RFX4: variants seen among roughly 807,000 people sequenced by gnomAD.
RFX4 encodes transcription factor RFX4.
A neutral mutation model predicts 95.0 loss-of-function variants in RFX4; 10 were observed. The ratio of observed to expected loss-of-function variants is 0.11; its 90% confidence interval spans 0.06 to 0.18. The LOEUF (loss-of-function observed/expected upper bound fraction) is 0.18. RFX4 is among the 10% of genes least tolerant of loss of function. RFX4 has a pLI of 1.00. For missense variants in RFX4, 640 were observed against 922.0 expected, an observed-to-expected ratio of 0.69 and a Z score of 3.96; for synonymous variants, 321 against 340.7, an observed-to-expected ratio of 0.94 and a Z score of 0.64.
chr12:106,745,513 G>A lies in RFX4; in HGVS notation c.1634-1924G>A, dbSNP rs537417988. 1.6e-4 allele frequency among the ~76,000 whole-genome samples: 25 copies of A among 152,220 alleles called. No homozygotes were observed. In the South Asian group the frequency reaches 4.6e-3, roughly 28 times the overall value. Reference sequence around the variant, plus strand: ...CATTTCTTCAAGGGTATTCCTTACCGAGTCTCTGTCACATAACTGGCACAG... The same window carrying A: ...CATTTCTTCAAGGGTATTCCTTACCAAGTCTCTGTCACATAACTGGCACAG... On this transcript the variant is annotated intron_variant, in intron 15 of 17. Coordinates refer to ENST00000392842, the MANE Select transcript of RFX4 (RefSeq NM_213594.3).
At chr12:106,660,720 C>G (rs1299450456) in intron 4 of RFX4, among the ~76,000 whole-genome samples, 1 of 152,152 alleles carries the variant, frequency 6.6e-6, no homozygotes, top group African/African-American at 2.4e-5. Flanking sequence ...CTGGGCCACA[C>G]AGCAGGAGGT....
intron 2 of RFX4, among the ~76,000 whole-genome samples, chr12:106,614,762 G>A (rs1196166128): frequency 6.6e-6 from 1 of 152,044 alleles, no homozygotes; most frequent in Non-Finnish European, 1.5e-5. Flanking sequence ...ACCCGCCTTG[G>A]CCTCCCAAAG....
Position 106,692,057 on chromosome 12 carries a change from C to T in RFX4, c.669+2693C>T, listed in dbSNP as rs373614860. Among the ~76,000 whole-genome samples, 386 of 151,054 alleles carry T rather than the reference C, an allele frequency of 2.6e-3. 1 individual carries two copies. Among genetic ancestry groups the T allele is most frequent in the African/African-American group, 8.5e-3 (351 of 41,114 alleles). On this transcript the variant is annotated intron_variant, in intron 7 of 17. Transcript: ENST00000392842. ...CTGTAGTCCCAGCTACTCAGGAGGC[C>T]GAGGCAGGAGAATCGCTTGAACCCA...
intron 15 of RFX4, among the ~76,000 whole-genome samples, chr12:106,744,913 G>A (rs2042865327): frequency 6.6e-6 from 1 of 152,198 alleles, no homozygotes; most frequent in East Asian, 1.9e-4. Context: ...CATTGTAAGG[G>A]TGTTGAGGAC....
intron 4 of RFX4, among the ~76,000 whole-genome samples, chr12:106,657,401 G>A (rs554566068): frequency 7.2e-5 from 11 of 152,130 alleles, no homozygotes; most frequent in African/African-American, 1.7e-4. Flanking sequence ...TTGGGATACC[G>A]TTCTTCATAA....
rs558383577 is a variant in RFX4 at position 106,700,917 on chromosome 12, T to C, written c.833+4471T>C. On this transcript the variant is annotated intron_variant, in intron 8 of 17. Transcript: ENST00000392842. The stretch of plus-strand genomic sequence containing the variant: ...AACTATCTTTGAGAATGATTAAAGA[T>C]ATGAAAAAATATTTTATATCTGCTT... Among the ~76,000 whole-genome samples, 250 of 152,334 alleles carry C rather than the reference T, an allele frequency of 1.6e-3. 1 individual carries two copies. The highest frequency in any genetic ancestry group is 5.7e-3 in the African/African-American group (239 of 41,578).
chr12:106,666,327 AT>A (rs1347629327), intron 4 of RFX4, among the ~76,000 whole-genome samples: 4 of 151,504 alleles, frequency 2.6e-5, no homozygotes, highest in African/African-American at 9.7e-5. Context: ...GTTATCTTTG[AT>A]TTTCTATAGT....
chr12:106,587,905 T>C (rs887994853), intron 1 of RFX4, among the ~76,000 whole-genome samples: 2 of 152,196 alleles, frequency 1.3e-5, no homozygotes, highest in African/African-American at 4.8e-5. Context: ...TCCCCCCTTT[T>C]TACAGTGAGA....
intron 8 of RFX4, among the ~76,000 whole-genome samples, chr12:106,701,016 G>A (rs2041980078): frequency 6.6e-6 from 1 of 152,156 alleles, no homozygotes; most frequent in Non-Finnish European, 1.5e-5. Flanking sequence ...AGTTGGATAT[G>A]TAATCATAGT....
At chr12:106,692,696 G>A (rs934595404) in intron 7 of RFX4, among the ~76,000 whole-genome samples, 2 of 152,180 alleles carry the variant, frequency 1.3e-5, no homozygotes, top group Non-Finnish European at 2.9e-5. Flanking sequence ...GGAATCATTT[G>A]CCTCTGATTC....
rs2041212018 is a variant in RFX4 at position 106,668,046 on chromosome 12, C to T, written c.315+13695C>T. On this transcript the variant is annotated intron_variant, in intron 4 of 17. Coordinates refer to ENST00000392842, the MANE Select transcript of RFX4 (RefSeq NM_213594.3). ...GGGGAAAGATGTCCCCCCCATGCCT[C>T]AATAGTGGCTTAAATAAATTAGTGG... is the stretch of plus-strand genomic sequence containing the variant. Among the ~76,000 whole-genome samples, 4 of 152,214 alleles carry T rather than the reference C, an allele frequency of 2.6e-5. No individual in the cohort carries two copies. In the South Asian group the frequency reaches 8.3e-4, roughly 32 times the overall value.
chr12:106,753,689 C>G (rs2043055379), intron 17 of RFX4, among the ~76,000 whole-genome samples: 1 of 152,180 alleles, frequency 6.6e-6, no homozygotes, highest in Non-Finnish European at 1.5e-5. Context: ...AGGGGTTGAA[C>G]CCAGGCGCTG....
intron 2 of RFX4, among the ~76,000 whole-genome samples, chr12:106,627,525 G>A (rs2040326583): frequency 6.6e-6 from 1 of 152,062 alleles, no homozygotes; most frequent in African/African-American, 2.4e-5. Flanking sequence ...CAACAAGAGT[G>A]AAACTCCGTC....
intron 1 of RFX4, among the ~76,000 whole-genome samples, chr12:106,600,482 ACTGT>A (rs1349322311): frequency 6.6e-6 from 1 of 152,156 alleles, no homozygotes; most frequent in Non-Finnish European, 1.5e-5. Context: ...TCCAAAAAGA[ACTGT>A]CTATCGAGGC....
Position 106,584,982 on chromosome 12 carries a change from C to G in RFX4, c.43+1619C>G, listed in dbSNP as rs377137686. Among the ~76,000 whole-genome samples the G allele has an allele frequency of 9.8e-5, 15 of 152,364 alleles. No individual in the cohort carries two copies. In the East Asian group the frequency reaches 2.5e-3, roughly 25 times the overall value. On this transcript the variant is annotated intron_variant, in intron 1 of 17. Coordinates refer to ENST00000392842, the MANE Select transcript of RFX4 (RefSeq NM_213594.3). ...GCTGAGGTCTCTACTGGCGGTAAAG[C>G]GGGAGCCCAGAGAGAGAAAAGCGCC...
At chr12:106,616,300 A>G (rs2040072488) in intron 2 of RFX4, among the ~76,000 whole-genome samples, 1 of 152,228 alleles carries the variant, frequency 6.6e-6, no homozygotes, top group Non-Finnish European at 1.5e-5. Flanking sequence ...GCATTCCTGT[A>G]ATAAATCACA....
chr12:106,677,420 G>A (rs1014935841), intron 4 of RFX4, among the ~76,000 whole-genome samples: 2 of 152,150 alleles, frequency 1.3e-5, no homozygotes, highest in Non-Finnish European at 2.9e-5. Context: ...GGGCAGCTGG[G>A]TGGGAGTCGA....
chr12:106,713,487 C>T (rs1302839787), intron 10 of RFX4, among the ~76,000 whole-genome samples: 1 of 152,160 alleles, frequency 6.6e-6, no homozygotes, highest in Non-Finnish European at 1.5e-5. Context: ...CAGAGATGGC[C>T]TTTCCATGGG....
chr12:106,761,171 T>C lies in RFX4; in HGVS notation c.1936-26T>C, dbSNP rs1473001310. On this transcript the variant is annotated intron_variant, in intron 17 of 17. Transcript: ENST00000392842. ...TGCAACCTCAAGCTAATTTTAACTT[T>C]GTGGAATTTCTTTCCCCTCAACAAG... 3 of 1,600,924 alleles carry C rather than the reference T, an allele frequency of 1.9e-6. No individual in the cohort carries two copies. The East Asian group carries it at 6.7e-5, about 36-fold the overall frequency.
Sources: allele counts gnomAD v4.1 joint callset (sites outside exome capture counted in the v4.1 genomes callset), GRCh38; gene constraint gnomAD v4.1.1; transcripts MANE v1.5; gene names NCBI Gene and HGNC (gene_info 2026-07-23, HGNC 2026-07-21).